ANKS1B: variants seen among roughly 807,000 people sequenced by gnomAD.
ANKS1B encodes the protein ankyrin repeat and sterile alpha motif domain-containing protein 1B.
ANKS1B carries 36 observed loss-of-function variants against 148.3 expected under a neutral mutation model. That is an observed-to-expected ratio of 0.24 (90% CI 0.19 to 0.32). The LOEUF (loss-of-function observed/expected upper bound fraction) is 0.32. Among genes scored for constraint, ANKS1B ranks in the 10% least tolerant of loss-of-function variants. ANKS1B has a pLI of 1.00. For synonymous variants in ANKS1B, 542 were observed against 560.8 expected, an observed-to-expected ratio of 0.97 and a Z score of 0.47; for missense variants, 1,157 against 1,542.6, an observed-to-expected ratio of 0.75 and a Z score of 4.19.
exon 10 of ANKS1B, chr12:98,735,197 T>C (rs1434883003): frequency 2.5e-6 from 1 of 398,878 alleles, no homozygotes; most frequent in Non-Finnish European, 4.4e-6. Flanking sequence ...GATTTTGTTT[T>C]GTAGTTTGCA....
intron 17 of ANKS1B, among the ~76,000 whole-genome samples, chr12:99,018,639 T>G (rs1647989731): frequency 6.6e-6 from 1 of 152,128 alleles, no homozygotes; most frequent in Non-Finnish European, 1.5e-5. Flanking sequence ...CATTTACTGA[T>G]GGTTAATCTA....
At chr12:98,920,478 A>T (rs376730444) in intron 17 of ANKS1B, among the ~76,000 whole-genome samples, 2,771 of 152,318 alleles carry the variant, frequency 0.018, 42 homozygotes, top group Non-Finnish European at 0.031. Context: ...GAAGGAAAGG[A>T]GGAGCAAGTC....
chr12:98,920,727 T>TA (rs2152904759), intron 17 of ANKS1B, among the ~76,000 whole-genome samples: 1 of 152,336 alleles, frequency 6.6e-6, no homozygotes, highest in Non-Finnish European at 1.5e-5. Context: ...GAAAAATTTA[T>TA]AAGTCTTGGT....
chr12:98,778,248 G>T (rs964909010), intron 24 of ANKS1B, among the ~76,000 whole-genome samples: 5 of 152,084 alleles, frequency 3.3e-5, no homozygotes, highest in African/African-American at 1.2e-4. Flanking sequence ...AGGCTGAGGC[G>T]GATGATTACC....
chr12:98,963,239 G>T (rs1015700877), intron 17 of ANKS1B, among the ~76,000 whole-genome samples: 4 of 151,636 alleles, frequency 2.6e-5, no homozygotes, highest in Non-Finnish European at 4.4e-5. Flanking sequence ...GAGTGCAGTG[G>T]CATGATCTCA....
intron 6 of ANKS1B, among the ~76,000 whole-genome samples, chr12:99,776,370 T>A (rs1270957607): frequency 6.6e-6 from 1 of 152,196 alleles, no homozygotes; most frequent in Non-Finnish European, 1.5e-5. Flanking sequence ...TACAAAACTA[T>A]GACACATGCA....
intron 25 of ANKS1B, among the ~76,000 whole-genome samples, chr12:98,766,873 G>A (rs1441307093): frequency 6.6e-6 from 1 of 152,008 alleles, no homozygotes; most frequent in African/African-American, 2.4e-5. Context: ...GGAGTGCAGT[G>A]GTGCAATCAC....
chr12:98,836,510 C>T (rs1254514738), intron 17 of ANKS1B, among the ~76,000 whole-genome samples: 3 of 152,080 alleles, frequency 2.0e-5, no homozygotes, highest in Non-Finnish European at 4.4e-5. Flanking sequence ...GAGAATATTC[C>T]AAAGAAAGAT....
At chr12:99,940,326 A>G (rs2094887981) in intron 1 of ANKS1B, among the ~76,000 whole-genome samples, 1 of 152,196 alleles carries the variant, frequency 6.6e-6, no homozygotes, top group South Asian at 2.1e-4. Flanking sequence ...AATAATGTAA[A>G]GCAGTATAAC....
chr12:99,475,130 G>A (rs2096296633), intron 10 of ANKS1B, among the ~76,000 whole-genome samples: 1 of 151,042 alleles, frequency 6.6e-6, no homozygotes, highest in African/African-American at 2.4e-5. Context: ...TGTAATCCCA[G>A]CTACTTGGGA....
At chr12:99,609,893 A>G (rs562845884) in intron 9 of ANKS1B, among the ~76,000 whole-genome samples, 20 of 152,230 alleles carry the variant, frequency 1.3e-4, no homozygotes, top group African/African-American at 4.1e-4. Flanking sequence ...TCAACCAGGC[A>G]TTATAGACAG....
At chr12:99,335,973 C>G (rs547861763) in intron 12 of ANKS1B, among the ~76,000 whole-genome samples, 6 of 152,238 alleles carry the variant, frequency 3.9e-5, no homozygotes, top group Non-Finnish European at 8.8e-5. Flanking sequence ...AACTTACATT[C>G]CCACGAACAG....
At chr12:99,893,445 A>G (rs1268054443) in intron 1 of ANKS1B, among the ~76,000 whole-genome samples, 2 of 151,984 alleles carry the variant, frequency 1.3e-5, no homozygotes, top group Admixed American at 6.6e-5. Flanking sequence ...AACTACAGAA[A>G]AAGTTACAGA....
chr12:98,855,750 A>G (rs1033550166), intron 17 of ANKS1B, among the ~76,000 whole-genome samples: 23 of 148,042 alleles, frequency 1.6e-4, no homozygotes, highest in African/African-American at 4.9e-4. Flanking sequence ...GCTCTTGGCC[A>G]GTGATTTTTT....
chr12:99,941,118 G>A (rs1258299683), intron 1 of ANKS1B, among the ~76,000 whole-genome samples: 1 of 151,952 alleles, frequency 6.6e-6, no homozygotes, highest in Non-Finnish European at 1.5e-5. Flanking sequence ...TTTATTAAAG[G>A]AATAAATAAA....
intron 10 of ANKS1B, among the ~76,000 whole-genome samples, chr12:99,464,379 G>C (rs1251607029): frequency 2.5e-4 from 38 of 152,200 alleles, no homozygotes; most frequent in Admixed American, 2.5e-3. Context: ...CTAAAAAGCA[G>C]AGCACCTCTC....
intron 10 of ANKS1B, among the ~76,000 whole-genome samples, chr12:99,491,209 G>A (rs1446870671): frequency 6.6e-6 from 1 of 152,052 alleles, no homozygotes; most frequent in African/African-American, 2.4e-5. Flanking sequence ...GGAGGCTGAA[G>A]CAGGAGAATG....
intron 8 of ANKS1B, among the ~76,000 whole-genome samples, chr12:99,756,180 A>G (rs1259921306): frequency 4.1e-5 from 2 of 48,986 alleles, no homozygotes; most frequent in African/African-American, 8.7e-5. Flanking sequence ...GACATGATCC[A>G]TATCTAGAAA....
chr12:99,368,036 G>T (rs1023388370), intron 12 of ANKS1B, among the ~76,000 whole-genome samples: 1 of 152,062 alleles, frequency 6.6e-6, no homozygotes, highest in Non-Finnish European at 1.5e-5. Flanking sequence ...TTAGTAATAC[G>T]ACTCGGAGAG....
Sources: gnomAD v4.1 joint callset for allele counts (sites outside exome capture counted in the v4.1 genomes callset) on GRCh38, gnomAD v4.1.1 for gene constraint, MANE v1.5 for transcripts, NCBI Gene and HGNC (gene_info 2026-07-23, HGNC 2026-07-21) for gene names.